The following PRICKLE1 variants were observed in gnomAD, a reference collection of about 807,000 sequenced individuals.
PRICKLE1 encodes prickle-like protein 1.
PRICKLE1 carries 14 observed loss-of-function variants against 70.2 expected under a neutral mutation model. The ratio of observed to expected loss-of-function variants is 0.20; its 90% CI spans 0.13 to 0.31. The LOEUF (loss-of-function observed/expected upper bound fraction) is 0.31. Ranked by LOEUF, PRICKLE1 falls within the 10% of genes least tolerant of loss-of-function variation. The pLI is 1.00. For missense variants in PRICKLE1, 821 were observed against 1,026.2 expected (o/e 0.80, Z 2.73); for synonymous variants, 357 against 379.9 (o/e 0.94, Z 0.70).
chr12:42,548,685 G>C (rs1308159266), intron 1 of PRICKLE1, among the ~76,000 whole-genome samples: 1 of 152,186 alleles, frequency 6.6e-6, no homozygotes, highest in Non-Finnish European at 1.5e-5. Context: ...CTTTGAGGTG[G>C]GATTTGGAGA....
In PRICKLE1 at chr12:42,459,149, C is replaced by A; in HGVS notation, c.*660G>T. On this transcript the variant is annotated 3_prime_UTR_variant, in exon 8 of 8. Transcript: ENST00000345127. ...TTACAATTCAGGGATATAAAAATAT[C>A]AGCTTTAAAATCTGAACTGTACAGT... is the stretch of plus-strand genomic sequence containing the variant. The A allele has an allele frequency of 1.8e-6, 1 of 545,838 alleles. No individual in the cohort carries two copies. The highest frequency in any genetic ancestry group is 3.3e-6 in the Non-Finnish European group (1 of 305,744). The allele number at this position is 545,838 out of a possible 1,614,324, so 33.8% of individuals were successfully genotyped here.
intron 1 of PRICKLE1, among the ~76,000 whole-genome samples, chr12:42,485,114 G>A (rs1270794399): frequency 6.6e-6 from 1 of 151,428 alleles, no homozygotes; most frequent in East Asian, 1.9e-4. Flanking sequence ...GTATACACGT[G>A]AACAATAGCT....
chr12:42,563,342 G>A (rs1236814167), intron 1 of PRICKLE1, among the ~76,000 whole-genome samples: 1 of 151,814 alleles, frequency 6.6e-6, no homozygotes, highest in African/African-American at 2.4e-5. Flanking sequence ...ACATACTGGA[G>A]TATTTTTTAA....
chr12:42,490,435 A>G (rs2140169805), intron 1 of PRICKLE1, among the ~76,000 whole-genome samples: 1 of 152,312 alleles, frequency 6.6e-6, no homozygotes, highest in South Asian at 2.1e-4. Flanking sequence ...AGCCATCAGA[A>G]AGATGCCAAG....
chr12:42,464,921 A>C lies in PRICKLE1; in HGVS notation c.1113T>G (p.Leu371=). The change falls in exon 7 of 8, where the codon CTT becomes CTG. Residue 371 remains leucine, a synonymous_variant. Coordinates refer to ENST00000345127, the MANE Select transcript of PRICKLE1 (RefSeq NM_153026.3). The surrounding 1 kb of genome is among the most constrained non-coding windows in gnomAD (Gnocchi z 4.2). The stretch of plus-strand genomic sequence containing the variant: ...GACTCAGATCATCCAATTTTCGAGA[A>C]AGGGTGTCATCAGCATTGCCTGAGA... ...PGLSGNADDT[L]SRKLDDLSLS... 1.2e-6 allele frequency: 2 copies of C among 1,614,150 alleles called. No individual in the cohort carries two copies. The highest frequency in any genetic ancestry group is 1.7e-6 in the Non-Finnish European group (2 of 1,180,032).
At chr12:42,468,487 G>C (rs1393155334) in intron 5 of PRICKLE1, 139 bp downstream of exon 5, 10 of 812,334 alleles carry the variant, frequency 1.2e-5, no homozygotes, top group Non-Finnish European at 2.0e-5. Flanking sequence ...TTCATTGTAT[G>C]AATGTACAGG....
rs371149992 is a variant in PRICKLE1 at position 42,465,230 on chromosome 12, G to A, written c.804C>T (p.Asp268=). The A allele has an allele frequency of 6.3e-5, 102 of 1,613,896 alleles. No individual in the cohort carries two copies. The highest frequency in any genetic ancestry group is 9.9e-5 in the South Asian group (9 of 91,050). Reference sequence around the variant, plus strand: ...CTTCCGTGGCGTGCCAGTGCTGCCCGTCATAGGTCATCTGTGCATGGTCCA... The same window carrying A: ...CTTCCGTGGCGTGCCAGTGCTGCCCATCATAGGTCATCTGTGCATGGTCCA... The part of the protein sequence containing the change: ...IGVDHAQMTY[D]GQHWHATEAC... Residue 268 remains aspartate, a synonymous_variant, in exon 7 of 8, where the codon GAC becomes GAT. Transcript: ENST00000345127.
intron 1 of PRICKLE1, among the ~76,000 whole-genome samples, chr12:42,481,296 C>A (rs1182171686): frequency 6.6e-6 from 1 of 152,138 alleles, no homozygotes; most frequent in African/African-American, 2.4e-5. Context: ...ATTGTCAGGG[C>A]CTGCCATTGA....
chr12:42,490,268 T>C (rs1228724077), intron 1 of PRICKLE1, among the ~76,000 whole-genome samples: 3 of 152,178 alleles, frequency 2.0e-5, no homozygotes, highest in African/African-American at 4.8e-5. Context: ...TAAAAGGATT[T>C]GATCAGAGTG....
chr12:42,580,488 TA>T (rs2120793783), intron 1 of PRICKLE1, among the ~76,000 whole-genome samples: 1 of 152,178 alleles, frequency 6.6e-6, no homozygotes, highest in East Asian at 1.9e-4. Context: ...TGAAGGAAAA[TA>T]ATGTATTTAT....
In PRICKLE1 at chr12:42,466,182, C is replaced by CT; in HGVS notation, c.775+11dup. The CT allele has an allele frequency of 6.2e-7, 1 of 1,613,674 alleles. No homozygotes were observed. Among genetic ancestry groups the CT allele is most frequent in the Non-Finnish European group, 8.5e-7 (1 of 1,179,580 alleles). On this transcript the variant is annotated intron_variant, in intron 6 of 7. Coordinates refer to ENST00000345127, the MANE Select transcript of PRICKLE1 (RefSeq NM_153026.3). ...CTAGGTGACAGGGCAGACGGGCTGG[C>CT]TGTGGACTTACCAATATGTTCCCCA...
rs942722501 is a variant in PRICKLE1, at chr12:42,457,579, C to T, written c.*2230G>A. ...ATATCCATCAGTCTTAAATACGTAACCTTTGTCCCAGTAACTACGCTGCTC... is the reference window on the plus strand; with the variant it reads ...ATATCCATCAGTCTTAAATACGTAATCTTTGTCCCAGTAACTACGCTGCTC... On this transcript the variant is annotated 3_prime_UTR_variant, in exon 8 of 8. Transcript: ENST00000345127. 6.6e-6 allele frequency: 1 copy of T among 152,160 alleles called. No homozygotes were observed. The highest frequency in any genetic ancestry group is 2.4e-5 in the African/African-American group (1 of 41,424). 9.4% of individuals were successfully genotyped at this position (152,160 alleles called of 1,614,324 possible). A position where few individuals can be genotyped will look rare whatever the true frequency, so the allele number is the denominator to read the frequency against.
intron 7 of PRICKLE1, among the ~76,000 whole-genome samples, chr12:42,463,156 T>G (rs149808764): frequency 6.6e-6 from 1 of 151,098 alleles, no homozygotes; most frequent in East Asian, 2.0e-4. Flanking sequence ...CTGGGCGTGG[T>G]GGCAGGCGCC....
chr12:42,483,718 C>G (rs1938895969), intron 1 of PRICKLE1: 1 of 151,588 alleles, frequency 6.6e-6, no homozygotes, highest in East Asian at 2.0e-4. Context: ...CCGGCCGGTC[C>G]CCGCCGAGCT....
At chr12:42,565,896 G>T (rs1940613405) in intron 1 of PRICKLE1, among the ~76,000 whole-genome samples, 1 of 152,146 alleles carries the variant, frequency 6.6e-6, no homozygotes, top group Admixed American at 6.5e-5. Context: ...GTCTGATTTG[G>T]TGAGTACTAT....
At chr12:42,463,956 T>C (rs1347902383) in intron 7 of PRICKLE1, among the ~76,000 whole-genome samples, 1 of 152,224 alleles carries the variant, frequency 6.6e-6, no homozygotes, top group Non-Finnish European at 1.5e-5. Context: ...TAGTGTTTGG[T>C]ATTTAAGTGA....
At chr12:42,586,897 T>A (rs1940994908) in intron 1 of PRICKLE1, among the ~76,000 whole-genome samples, 2 of 152,254 alleles carry the variant, frequency 1.3e-5, no homozygotes, top group Non-Finnish European at 2.9e-5. Flanking sequence ...CTTTTCAGAA[T>A]TATCAAAAGA....
chr12:42,530,859 C>T (rs111368411), intron 1 of PRICKLE1, among the ~76,000 whole-genome samples: 2 of 148,686 alleles, frequency 1.3e-5, no homozygotes, highest in Admixed American at 6.7e-5. Context: ...CATGGTGAAA[C>T]CCTGTTTCAC....
chr12:42,553,671 T>C (rs962624645), intron 1 of PRICKLE1, among the ~76,000 whole-genome samples: 11 of 151,998 alleles, frequency 7.2e-5, no homozygotes, highest in Non-Finnish European at 1.6e-4. Flanking sequence ...CTGAATGTGA[T>C]GGAGGGAGTG....
Sources: allele counts gnomAD v4.1 joint callset (sites outside exome capture counted in the v4.1 genomes callset), GRCh38; gene constraint gnomAD v4.1.1; non-coding constraint Gnocchi (gnomAD v3.1); transcripts MANE v1.5; gene names NCBI Gene and HGNC (gene_info 2026-07-23, HGNC 2026-07-21).